Variants in ST18 observed in about 807,000 individuals in gnomAD.
The protein encoded by ST18 is suppression of tumorigenicity 18 protein.
ST18 carries 50 observed loss-of-function variants against 110.0 expected under a neutral mutation model. The observed-to-expected ratio is 0.45, with a 90% CI of 0.36 to 0.58. ST18 has a LOEUF of 0.58. ST18 is among the 20% of genes least tolerant of loss of function. The probability of loss-of-function intolerance (pLI) is 0.00; values close to 1 mark genes in which losing one functional copy is unlikely to be tolerated. For synonymous variants in ST18, 461 were observed against 452.4 expected (o/e 1.02, Z -0.24); for missense variants, 1,306 against 1,280.1 (o/e 1.02, Z -0.31).
chr8:52,282,399 T>C (rs1219755289), intron 2 of ST18, among the ~76,000 whole-genome samples: 3 of 152,208 alleles, frequency 2.0e-5, no homozygotes, highest in African/African-American at 7.2e-5. Flanking sequence ...ATTCTAATCA[T>C]GTAACAGCTT....
intron 2 of ST18, among the ~76,000 whole-genome samples, chr8:52,296,940 G>T (rs1477712045): frequency 6.6e-6 from 1 of 151,832 alleles, no homozygotes; most frequent in South Asian, 2.1e-4. Context: ...TATCAATAAG[G>T]TATAATTAAA....
intron 10 of ST18, among the ~76,000 whole-genome samples, chr8:52,171,348 G>A (rs920184438): frequency 6.6e-6 from 1 of 152,186 alleles, no homozygotes; most frequent in African/African-American, 2.4e-5. Context: ...GCTCATAAAC[G>A]CATTAACATC....
At chr8:52,358,060 A>T (rs1220727155) in intron 2 of ST18, among the ~76,000 whole-genome samples, 3 of 151,878 alleles carry the variant, frequency 2.0e-5, no homozygotes, top group African/African-American at 4.8e-5. Context: ...AAACTGAAAA[A>T]TTTACATGTG....
intron 23 of ST18, 59 bp downstream of exon 23, chr8:52,125,993 T>C: frequency 7.2e-7 from 1 of 1,396,584 alleles, no homozygotes; most frequent in Admixed American, 2.0e-5. Context: ...ACGGAACGCT[T>C]TGGGGAGCCA....
intron 2 of ST18, among the ~76,000 whole-genome samples, chr8:52,309,896 T>C (rs2139691962): frequency 6.6e-6 from 1 of 152,220 alleles, no homozygotes; most frequent in South Asian, 2.1e-4. Context: ...AACAGAAGCA[T>C]TTAATACAAT....
chr8:52,235,026 G>A (rs1034397212), intron 2 of ST18, among the ~76,000 whole-genome samples: 4 of 151,930 alleles, frequency 2.6e-5, no homozygotes, highest in Non-Finnish European at 4.4e-5. Flanking sequence ...ATACTGCTTG[G>A]GTGATGGGTG....
intron 5 of ST18, among the ~76,000 whole-genome samples, chr8:52,218,976 T>A (rs1011928551): frequency 6.6e-6 from 1 of 151,874 alleles, no homozygotes; most frequent in South Asian, 2.1e-4. Context: ...TCACGTTTTT[T>A]AAAAAAAATG....
intron 16 of ST18, among the ~76,000 whole-genome samples, chr8:52,145,810 C>G (rs1176012544): frequency 6.6e-6 from 1 of 152,172 alleles, no homozygotes; most frequent in East Asian, 1.9e-4. Context: ...GCATCTGGCA[C>G]TCTTAACATT....
chr8:52,326,234 A>C (rs16917684), intron 2 of ST18, among the ~76,000 whole-genome samples: 2,464 of 152,286 alleles, frequency 0.016, 54 homozygotes, highest in African/African-American at 0.057. Flanking sequence ...TCTCATTTCC[A>C]CAATGGTGAC....
intron 15 of ST18, among the ~76,000 whole-genome samples, chr8:52,156,195 C>T (rs2059974132): frequency 6.6e-6 from 1 of 152,204 alleles, no homozygotes; most frequent in African/African-American, 2.4e-5. Flanking sequence ...GTAAGCTCCT[C>T]AAGGGCAAAG....
intron 2 of ST18, among the ~76,000 whole-genome samples, chr8:52,252,223 A>C (rs1331270520): frequency 6.6e-6 from 1 of 152,086 alleles, no homozygotes; most frequent in Non-Finnish European, 1.5e-5. Flanking sequence ...TTATAGGAGT[A>C]AGGTTGTTAC....
chr8:52,195,280 G>C (rs2075841571), intron 8 of ST18, among the ~76,000 whole-genome samples: 1 of 152,166 alleles, frequency 6.6e-6, no homozygotes, highest in Admixed American at 6.5e-5. Context: ...AAAGAATTCA[G>C]ATACAGACAT....
At chr8:52,134,363 G>T (rs779731882) in intron 19 of ST18, among the ~76,000 whole-genome samples, 1 of 152,108 alleles carries the variant, frequency 6.6e-6, no homozygotes. Context: ...AAAATTTTAC[G>T]CAGACTTTCA....
intron 2 of ST18, among the ~76,000 whole-genome samples, chr8:52,319,913 C>T (rs1803126427): frequency 6.6e-6 from 1 of 152,120 alleles, no homozygotes; most frequent in Non-Finnish European, 1.5e-5. Flanking sequence ...GTGAGTATTC[C>T]AAGACGAACG....
intron 15 of ST18, among the ~76,000 whole-genome samples, chr8:52,153,363 C>T (rs958559838): frequency 1.3e-5 from 2 of 152,108 alleles, no homozygotes; most frequent in African/African-American, 4.8e-5. Context: ...AGGTTTCTGC[C>T]ATAATTAGCC....
At chr8:52,336,870 G>A (rs1264409588) in intron 2 of ST18, among the ~76,000 whole-genome samples, 1 of 152,230 alleles carries the variant, frequency 6.6e-6, no homozygotes, top group East Asian at 1.9e-4. Flanking sequence ...GGGGTTGTAA[G>A]CCCTGAGGCT....
At chr8:52,320,109 T>C (rs1803220297) in intron 2 of ST18, among the ~76,000 whole-genome samples, 1 of 152,236 alleles carries the variant, frequency 6.6e-6, no homozygotes, top group Non-Finnish European at 1.5e-5. Context: ...TCTGTCTCTA[T>C]ATATATGTAG....
intron 2 of ST18, among the ~76,000 whole-genome samples, chr8:52,365,511 T>A (rs1393003852): frequency 6.6e-6 from 1 of 152,074 alleles, no homozygotes; most frequent in Non-Finnish European, 1.5e-5. Context: ...TTTAAAAAAA[T>A]TTATATGATT....
At chr8:52,132,908 A>T in intron 21 of ST18, 149 bp downstream of exon 21, 1 of 881,790 alleles carries the variant, frequency 1.1e-6, no homozygotes, top group Non-Finnish European at 1.7e-6. Context: ...AACTTTTCTC[A>T]AACCACCAAA....
Sources: gnomAD v4.1 joint callset for allele counts (sites outside exome capture counted in the v4.1 genomes callset) on GRCh38, gnomAD v4.1.1 for gene constraint, MANE v1.5 for transcripts, NCBI Gene and HGNC (gene_info 2026-07-23, HGNC 2026-07-21) for gene names.